Variants in CFAP20DC observed in about 807,000 individuals in gnomAD.
CFAP20DC encodes the protein protein CFAP20DC.
CFAP20DC carries 84 observed loss-of-function variants against 101.7 expected under a neutral mutation model. The ratio of observed to expected loss-of-function variants is 0.83; its 90% CI spans 0.69 to 0.99. CFAP20DC has a LOEUF of 0.99. Ranked by LOEUF, CFAP20DC falls within the 50% of genes least tolerant of loss-of-function variation. CFAP20DC has a pLI of 0.00. For synonymous variants in CFAP20DC, 359 were observed against 351.2 expected, an observed-to-expected ratio of 1.02 and a Z score of -0.25; for missense variants, 1,007 against 970.3, an observed-to-expected ratio of 1.04 and a Z score of -0.50.
At chr3:58,963,241 T>TGTGTGTGTGTGTGTGTGTGTG (rs1559906974) in intron 4 of CFAP20DC, among the ~76,000 whole-genome samples, 2 of 149,298 alleles carry the variant, frequency 1.3e-5, no homozygotes, top group African/African-American at 2.5e-5. Context: ...TGTGTGTGTG[T>TGTGTGTGTGTGTGTGTGTGTG]TTTAATAAAT....
At chr3:58,822,215 C>T (rs1226718706) in intron 14 of CFAP20DC, among the ~76,000 whole-genome samples, 3 of 144,424 alleles carry the variant, frequency 2.1e-5, no homozygotes, top group South Asian at 2.3e-4. Flanking sequence ...TTAGTGGGTG[C>T]AGCACATCAG....
chr3:58,970,902 A>G (rs1171230426), intron 4 of CFAP20DC, among the ~76,000 whole-genome samples: 1 of 152,156 alleles, frequency 6.6e-6, no homozygotes, highest in Non-Finnish European at 1.5e-5. Flanking sequence ...ATTTTCAAGT[A>G]ACATTTGCCT....
intron 13 of CFAP20DC, among the ~76,000 whole-genome samples, chr3:58,840,866 C>G (rs945814772): frequency 2.0e-5 from 3 of 152,156 alleles, no homozygotes; most frequent in Non-Finnish European, 4.4e-5. Context: ...AACTGAGGCT[C>G]CAAGACATTA....
At chr3:59,005,842 T>G (rs1217023058) in intron 4 of CFAP20DC, among the ~76,000 whole-genome samples, 1 of 152,178 alleles carries the variant, frequency 6.6e-6, no homozygotes, top group East Asian at 1.9e-4. Flanking sequence ...CTAGATTTGA[T>G]GAGGCTGAAA....
At chr3:58,950,333 G>A in intron 4 of CFAP20DC, among the ~76,000 whole-genome samples, 1 of 152,160 alleles carries the variant, frequency 6.6e-6, no homozygotes, top group East Asian at 1.9e-4. Flanking sequence ...TGGCCATACT[G>A]CCCAAGGTAA....
intron 15 of CFAP20DC, among the ~76,000 whole-genome samples, chr3:58,760,636 G>T (rs961226842): frequency 1.3e-5 from 2 of 152,164 alleles, no homozygotes; most frequent in Non-Finnish European, 2.9e-5. Flanking sequence ...AATGCTTCCA[G>T]TTTTTGCCCA....
intron 15 of CFAP20DC, among the ~76,000 whole-genome samples, chr3:58,781,712 A>G (rs564603635): frequency 1.8e-4 from 27 of 152,116 alleles, no homozygotes; most frequent in Non-Finnish European, 3.7e-4. Context: ...CTAAACACAT[A>G]CAAACTATCA....
At position 58,869,313 on chromosome 3, in the gene CFAP20DC, A is replaced by G. The variant is rs989904615; in HGVS notation, c.1015+15T>C. On this transcript the variant is annotated intron_variant, in intron 9 of 16. Transcript: ENST00000482387. This position sits in a 1 kb window ranked among gnomAD's most constrained non-coding sequence, Gnocchi z 4.3. ...TTTCACTAGCTATCAATCTTTATGC[A>G]TGATTATTTCTTACCATGAATAGGT... The G allele has an allele frequency of 5.0e-6, 8 of 1,596,884 alleles. No homozygotes were observed. In the African/African-American group the frequency reaches 9.4e-5, roughly 19 times the overall value.
chr3:58,762,093 G>A (rs1400775050), intron 15 of CFAP20DC, among the ~76,000 whole-genome samples: 6 of 152,188 alleles, frequency 3.9e-5, no homozygotes, highest in Non-Finnish European at 8.8e-5. Context: ...GGATATGCTT[G>A]TTAACTTTCT....
chr3:59,038,546 AATCT>A (rs1250000250), intron 4 of CFAP20DC, among the ~76,000 whole-genome samples: 1 of 152,186 alleles, frequency 6.6e-6, no homozygotes, highest in East Asian at 1.9e-4. Flanking sequence ...TGTGTCAAGA[AATCT>A]ATCAGTGCCA....
At chr3:58,920,183 C>A (rs867484528) in intron 5 of CFAP20DC, among the ~76,000 whole-genome samples, 1 of 149,864 alleles carries the variant, frequency 6.7e-6, no homozygotes, top group Non-Finnish European at 1.5e-5. Context: ...CTCCGCTTCC[C>A]AGGCTCAGGT....
intron 15 of CFAP20DC, among the ~76,000 whole-genome samples, chr3:58,802,955 G>T (rs1211893757): frequency 6.6e-6 from 1 of 151,236 alleles, no homozygotes; most frequent in Admixed American, 6.6e-5. Flanking sequence ...CAGTCCAGGT[G>T]ACAGAGTGAG....
At position 59,007,924 on chromosome 3, in the gene CFAP20DC, T is replaced by C. The variant is rs151027950; in HGVS notation, c.278+31633A>G. Among the ~76,000 whole-genome samples the C allele has an allele frequency of 3.3e-4, 51 of 152,264 alleles. No homozygotes were observed. The highest frequency in any genetic ancestry group is 5.4e-4 in the Non-Finnish European group (37 of 68,010). On this transcript the variant is annotated intron_variant, in intron 4 of 16. Transcript: ENST00000482387. The surrounding 1 kb of genome is among the most constrained non-coding windows in gnomAD (Gnocchi z 4.4). ...GTAGTTTCTCATAGCAGAGAAACAATTGCAATGTGGGGAGCAATAGGGAAA... is the reference window on the plus strand; with the variant it reads ...GTAGTTTCTCATAGCAGAGAAACAACTGCAATGTGGGGAGCAATAGGGAAA...
intron 14 of CFAP20DC, among the ~76,000 whole-genome samples, chr3:58,810,845 C>G (rs1041308590): frequency 6.6e-6 from 1 of 151,796 alleles, no homozygotes; most frequent in African/African-American, 2.4e-5. Context: ...TGATAAGCAA[C>G]TTCAGCAAAG....
chr3:59,047,226 G>A lies in CFAP20DC; in HGVS notation c.50C>T (p.Ala17Val). 1 of 1,534,900 alleles carries A rather than the reference G, an allele frequency of 6.5e-7. No individual in the cohort carries two copies. Reference sequence around the variant, plus strand: ...TTTTGCTCCAGGATTTTTTCCTTGAGCACTGAAAATTTCAACAAATGCACC... The same window carrying A: ...TTTTGCTCCAGGATTTTTTCCTTGAACACTGAAAATTTCAACAAATGCACC... ...QGGAFVEIFS[A>V]QGKNPGAKWK... The change falls in exon 2 of 17, where the codon GCT (alanine) becomes GTT (valine). Residue 17 changes from alanine to valine, a missense_variant. Transcript: ENST00000482387.
At position 58,831,708 on chromosome 3, in the gene CFAP20DC, G is replaced by T. The variant is rs779716398; in HGVS notation, c.2153C>A (p.Thr718Asn). 7.4e-6 allele frequency: 12 copies of T among 1,613,978 alleles called. No homozygotes were observed. In the Middle Eastern group the frequency reaches 6.7e-4, roughly 89 times the overall value. ...CACGGGTGGCAGGCAGGAGTTCCAG[G>T]TGGTTGTGTCGTCACTGCTGGTACT... is the stretch of plus-strand genomic sequence containing the variant. ...SISTSSDDTT[T>N]WNSCLPPPVN... The change falls in exon 14 of 17, where the codon ACC becomes AAC. Residue 718 changes from threonine (T) to asparagine (N), a missense_variant. Coordinates refer to ENST00000482387, the MANE Select transcript of CFAP20DC (RefSeq NM_001394063.1).
chr3:59,028,574 A>G (rs778336127), intron 4 of CFAP20DC, among the ~76,000 whole-genome samples: 3 of 152,212 alleles, frequency 2.0e-5, no homozygotes, highest in Non-Finnish European at 4.4e-5. Flanking sequence ...TAGAAAAATA[A>G]CAATATTTAC....
intron 14 of CFAP20DC, among the ~76,000 whole-genome samples, chr3:58,813,967 C>T (rs1044672613): frequency 1.3e-5 from 2 of 151,688 alleles, no homozygotes; most frequent in African/African-American, 4.9e-5. Context: ...TATTTCACAG[C>T]AAAAAAGAAA....
chr3:58,735,474 T>TG (rs1330442407), intron 3 of CFAP20DC, among the ~76,000 whole-genome samples: 1 of 152,232 alleles, frequency 6.6e-6, no homozygotes, highest in African/African-American at 2.4e-5. Context: ...CAAACGTCAC[T>TG]GCTACCATGT....
Sources: gnomAD v4.1 joint callset for allele counts (sites outside exome capture counted in the v4.1 genomes callset) on GRCh38, gnomAD v4.1.1 for gene constraint, Gnocchi (gnomAD v3.1) non-coding constraint, MANE v1.5 for transcripts, NCBI Gene and HGNC (gene_info 2026-07-23, HGNC 2026-07-21) for gene names.